Variants in IFT25 observed in about 807,000 individuals in gnomAD.
IFT25 encodes the protein intraflagellar transport 25, also known as intraflagellar transport protein 25 homolog.
the IFT25 span, among the ~76,000 whole-genome samples, chr1:53,911,983 C>G: frequency 6.6e-6 from 1 of 152,028 alleles, no homozygotes; most frequent in African/African-American, 2.4e-5. Context: ...GGAAGGAGGA[C>G]AAGACAATAT....
the IFT25 span, among the ~76,000 whole-genome samples, chr1:53,938,134 A>C: frequency 6.6e-6 from 1 of 152,166 alleles, no homozygotes; most frequent in Non-Finnish European, 1.5e-5. Context: ...CGGGGTTGAA[A>C]ATACTTTTTT....
the IFT25 span, chr1:53,940,164 GTGA>G: frequency 2.5e-6 from 2 of 798,098 alleles, no homozygotes; most frequent in Non-Finnish European, 4.2e-6. Context: ...AGAAAACGAA[GTGA>G]GAAGGAAAGG....
the IFT25 span, among the ~76,000 whole-genome samples, chr1:53,940,892 T>C: frequency 6.6e-6 from 1 of 151,780 alleles, no homozygotes; most frequent in African/African-American, 2.4e-5. Flanking sequence ...AAAAATTCTC[T>C]GTAGAGGCCA....
At chr1:53,921,357 G>T in the IFT25 span, among the ~76,000 whole-genome samples, 2 of 151,954 alleles carry the variant, frequency 1.3e-5, no homozygotes, top group Non-Finnish European at 2.9e-5. Context: ...AATGCACTAC[G>T]ATCTGAAGAG....
the IFT25 span, among the ~76,000 whole-genome samples, chr1:53,933,646 T>G: frequency 6.6e-6 from 1 of 152,236 alleles, no homozygotes; most frequent in African/African-American, 2.4e-5. Context: ...ACAATATATA[T>G]TTGGGTCTTG....
chr1:53,941,695 G>A, the IFT25 span, among the ~76,000 whole-genome samples: 3 of 152,044 alleles, frequency 2.0e-5, no homozygotes, highest in African/African-American at 4.8e-5. Flanking sequence ...GCTAATTCTC[G>A]ACAAAATCCT....
the IFT25 span, among the ~76,000 whole-genome samples, chr1:53,923,170 T>C: frequency 6.6e-6 from 1 of 152,216 alleles, no homozygotes; most frequent in Non-Finnish European, 1.5e-5. Flanking sequence ...AAAAACTTCC[T>C]ACAGAATTTT....
chr1:53,941,268 C>T, the IFT25 span, among the ~76,000 whole-genome samples: 1 of 152,004 alleles, frequency 6.6e-6, no homozygotes, highest in Non-Finnish European at 1.5e-5. Flanking sequence ...GCTGGGATTA[C>T]AGGTGTGAGC....
chr1:53,911,723 C>T, the IFT25 span, among the ~76,000 whole-genome samples: 49 of 152,154 alleles, frequency 3.2e-4, 1 homozygote, highest in Non-Finnish European at 4.0e-4. Flanking sequence ...AGATTCAAAC[C>T]GGATCTCTAA....
chr1:53,938,584 T>C, the IFT25 span, among the ~76,000 whole-genome samples: 1 of 152,304 alleles, frequency 6.6e-6, no homozygotes, highest in East Asian at 1.9e-4. Flanking sequence ...TTACAACCAG[T>C]TCTGCCTTCA....
At chr1:53,936,316 G>A in the IFT25 span, among the ~76,000 whole-genome samples, 1 of 151,936 alleles carries the variant, frequency 6.6e-6, no homozygotes, top group Non-Finnish European at 1.5e-5. Context: ...CGGACATGGT[G>A]GTGCATGCCT....
the IFT25 span, among the ~76,000 whole-genome samples, chr1:53,922,147 C>T: frequency 6.6e-6 from 1 of 152,200 alleles, no homozygotes; most frequent in Non-Finnish European, 1.5e-5. Flanking sequence ...GTAATCCCAG[C>T]ACTTTGGGAG....
chr1:53,931,144 C>G, the IFT25 span, among the ~76,000 whole-genome samples: 2 of 152,144 alleles, frequency 1.3e-5, no homozygotes, highest in Non-Finnish European at 2.9e-5. Flanking sequence ...TTTCTATCAC[C>G]ACCAACTATG....
the IFT25 span, among the ~76,000 whole-genome samples, chr1:53,944,752 C>T: frequency 6.6e-6 from 1 of 152,024 alleles, no homozygotes; most frequent in South Asian, 2.1e-4. Flanking sequence ...CTCTGGGGTG[C>T]TATCCTTTCC....
chr1:53,943,736 A>G, the IFT25 span, among the ~76,000 whole-genome samples: 2 of 151,590 alleles, frequency 1.3e-5, no homozygotes, highest in African/African-American at 4.9e-5. Flanking sequence ...CGATCCTCCC[A>G]CCTCAGCCTT....
chr1:53,928,322 G>A, the IFT25 span: 5 of 1,368,962 alleles, frequency 3.7e-6, no homozygotes, highest in Non-Finnish European at 5.2e-6. Flanking sequence ...AGAATCAAAG[G>A]AATATTATCT....
the IFT25 span, among the ~76,000 whole-genome samples, chr1:53,942,472 A>G: frequency 6.6e-6 from 1 of 152,248 alleles, no homozygotes; most frequent in South Asian, 2.1e-4. Flanking sequence ...TATATTGCCT[A>G]TGGCTGATTA....
At chr1:53,935,242 G>T in the IFT25 span, among the ~76,000 whole-genome samples, 2 of 152,178 alleles carry the variant, frequency 1.3e-5, no homozygotes, top group African/African-American at 4.8e-5. Flanking sequence ...GAACCCAGGA[G>T]GCAGAGACTG....
the IFT25 span, among the ~76,000 whole-genome samples, chr1:53,919,989 G>T: frequency 2.6e-5 from 4 of 151,932 alleles, no homozygotes; most frequent in African/African-American, 9.7e-5. Context: ...TGTAGATATG[G>T]GGTCTAGCTA....
Sources: gnomAD v4.1 joint callset for allele counts (sites outside exome capture counted in the v4.1 genomes callset) on GRCh38, gnomAD v4.1.1 for gene constraint, MANE v1.5 for transcripts, NCBI Gene and HGNC (gene_info 2026-07-23, HGNC 2026-07-21) for gene names.